METAP2: variants seen among roughly 807,000 people sequenced by gnomAD.
METAP2 encodes methionyl aminopeptidase 2.
METAP2 carries 25 observed loss-of-function variants against 59.4 expected under a neutral mutation model. That is an observed-to-expected ratio of 0.42 (90% CI 0.31 to 0.59). The LOEUF is 0.59. Ranked by LOEUF, METAP2 falls within the 20% of genes least tolerant of loss-of-function variation. METAP2 has a pLI of 0.16. For missense variants in METAP2, 366 were observed against 581.2 expected (o/e 0.63, Z 3.81); for synonymous variants, 214 against 194.1 (o/e 1.10, Z -0.85).
rs148990065 is a variant in METAP2 at position 95,488,424 on chromosome 12, G to A, written c.428+2443G>A. ...CTCGGGGGGCTGAGGCAGGAGAATC[G>A]CTTGAACACAGGAGATGGAGGTTGC... On this transcript the variant is annotated intron_variant, in intron 4 of 10. Transcript: ENST00000323666. Among the ~76,000 whole-genome samples, 491 of 147,304 alleles carry A rather than the reference G, an allele frequency of 3.3e-3. 2 individuals are homozygous for A. The highest frequency in any genetic ancestry group is 0.012 in the African/African-American group (476 of 39,274).
intron 7 of METAP2, 128 bp downstream of exon 7, chr12:95,496,226 T>C (rs962886481): frequency 6.6e-5 from 37 of 558,220 alleles, no homozygotes; most frequent in Non-Finnish European, 1.1e-4. Context: ...AGGAATAAAA[T>C]TGATCCATTT....
At chr12:95,498,067 A>G (rs1316433684) in intron 7 of METAP2, among the ~76,000 whole-genome samples, 2 of 150,824 alleles carry the variant, frequency 1.3e-5, no homozygotes, top group African/African-American at 4.9e-5. Context: ...TGGGAGGCGG[A>G]GCTTGCAGTG....
intron 7 of METAP2, among the ~76,000 whole-genome samples, chr12:95,501,692 C>T (rs565688791): frequency 1.8e-4 from 27 of 146,906 alleles, no homozygotes; most frequent in Admixed American, 3.4e-4. Context: ...TCCAGCCTGG[C>T]GACAGAGCAA....
At chr12:95,491,309 C>G (rs1594421396) in intron 4 of METAP2, among the ~76,000 whole-genome samples, 1 of 152,128 alleles carries the variant, frequency 6.6e-6, no homozygotes, top group Non-Finnish European at 1.5e-5. Flanking sequence ...TCATTGGGAA[C>G]TGCAAAATGG....
At position 95,494,542 on chromosome 12, in the gene METAP2, T is replaced by C. The variant is rs948224708; in HGVS notation, c.590+325T>C. ...ATTGCCCAAATACAGAACATGATGATAATACAGTAACAAAACCAATTCAAG... is the reference window on the plus strand; with the variant it reads ...ATTGCCCAAATACAGAACATGATGACAATACAGTAACAAAACCAATTCAAG... On this transcript the variant is annotated intron_variant, in intron 5 of 10. Coordinates refer to ENST00000323666, the MANE Select transcript of METAP2 (RefSeq NM_006838.4). Among the ~76,000 whole-genome samples, 6 of 152,346 alleles carry C rather than the reference T, an allele frequency of 3.9e-5. No homozygotes were observed. The East Asian group carries it at 1.2e-3, about 29-fold the overall frequency.
chr12:95,494,359 G>T, intron 5 of METAP2, 142 bp downstream of exon 5: 4 of 834,912 alleles, frequency 4.8e-6, no homozygotes, highest in Non-Finnish European at 7.2e-6. Context: ...GATTATTTTA[G>T]TGTCACTATG....
chr12:95,507,272 G>C (rs1017424337), intron 8 of METAP2, among the ~76,000 whole-genome samples: 3 of 152,212 alleles, frequency 2.0e-5, no homozygotes, highest in African/African-American at 2.4e-5. Flanking sequence ...AATTTATTAA[G>C]TATTCAACAA....
intron 8 of METAP2, among the ~76,000 whole-genome samples, chr12:95,505,988 T>C (rs1384181912): frequency 6.6e-6 from 1 of 151,348 alleles, no homozygotes; most frequent in African/African-American, 2.4e-5. Context: ...TCTCAGCTAC[T>C]CGGGAGGCTG....
rs373561404 is a variant in METAP2, at chr12:95,476,514, A to AAAAGAAAGAAAG, written c.259+352_259+363dup. On this transcript the variant is annotated intron_variant, in intron 2 of 10. Transcript: ENST00000323666. ...CCAGCAGAGTAAGACTGTCTCAAAA[A>AAAAGAAAGAAAG]AAAGAAAGAAAGAAAGAAAGAAAGA... 8.5e-3 allele frequency among the ~76,000 whole-genome samples: 1,195 copies of AAAAGAAAGAAAG among 140,990 alleles called. 29 individuals carry two copies. Among genetic ancestry groups the AAAAGAAAGAAAG allele is most frequent in the African/African-American group, 0.032 (1,146 of 36,116 alleles). The allele number at this position is 140,990 out of a possible 152,430, so 92.5% of individuals were successfully genotyped here. A position where few individuals can be genotyped will look rare whatever the true frequency, so the allele number is the denominator to read the frequency against.
At chr12:95,491,896 CTG>C (rs1432434377) in intron 4 of METAP2, among the ~76,000 whole-genome samples, 2 of 152,276 alleles carry the variant, frequency 1.3e-5, no homozygotes, top group South Asian at 2.1e-4. Context: ...GCCTTGACCT[CTG>C]GGGCTCAAGT....
chr12:95,495,975 A>G, intron 6 of METAP2, 29 bp from the exon 7 acceptor site: 1 of 1,361,728 alleles, frequency 7.3e-7, no homozygotes, highest in Non-Finnish European at 1.0e-6. Context: ...GCTGATAAGT[A>G]AAATTAAAAG....
At chr12:95,475,128 A>C (rs559070923) in intron 1 of METAP2, among the ~76,000 whole-genome samples, 1 of 152,264 alleles carries the variant, frequency 6.6e-6, no homozygotes, top group African/African-American at 2.4e-5. Context: ...TATTTTGAGA[A>C]GTCTGTGTTT....
At chr12:95,488,511 CAAAAAAAAAAAAAAAA>C (rs537119415) in intron 4 of METAP2, among the ~76,000 whole-genome samples, 4 of 76,578 alleles carry the variant, frequency 5.2e-5, no homozygotes, top group Non-Finnish European at 8.4e-5. Context: ...TTTGTCTCAC[CAAAAAAAAAAAAAAAA>C]AAAAAAAAAA....
chr12:95,497,229 T>G (rs557180506), intron 7 of METAP2, among the ~76,000 whole-genome samples: 32 of 152,342 alleles, frequency 2.1e-4, no homozygotes, highest in African/African-American at 7.0e-4. Context: ...ACTGAAACTC[T>G]ATACTCATTA....
chr12:95,486,092 A>G, intron 4 of METAP2, 111 bp downstream of exon 4: 2 of 748,828 alleles, frequency 2.7e-6, no homozygotes, highest in Non-Finnish European at 2.1e-6. Flanking sequence ...AAATGCTTAT[A>G]AATTTGTCAT....
intron 4 of METAP2, among the ~76,000 whole-genome samples, chr12:95,491,082 CTTTTT>C (rs11329335): frequency 2.5e-4 from 33 of 134,492 alleles, no homozygotes; most frequent in African/African-American, 8.6e-4. Context: ...ACAGCCAACT[CTTTTT>C]TTTTTTTTTT....
At chr12:95,499,997 G>T (rs2076303511) in intron 7 of METAP2, among the ~76,000 whole-genome samples, 1 of 152,192 alleles carries the variant, frequency 6.6e-6, no homozygotes, top group African/African-American at 2.4e-5. Context: ...AGCACATGGG[G>T]ATTACAATTC....
rs1015268057 is a variant in METAP2, at chr12:95,509,842, C to A, written c.965-2053C>A. Among the ~76,000 whole-genome samples, 79 of 146,866 alleles carry A rather than the reference C, an allele frequency of 5.4e-4. 1 individual carries two copies. The Middle Eastern group carries it at 0.017, about 32-fold the overall frequency. ...GTTAAATTTTTTTAAGACCTCCCCCCCAACCTTTTTTTTTTTTTTTTTTTG... is the reference window on the plus strand; with the variant it reads ...GTTAAATTTTTTTAAGACCTCCCCCACAACCTTTTTTTTTTTTTTTTTTTG... On this transcript the variant is annotated intron_variant, in intron 8 of 10. Transcript: ENST00000323666.
chr12:95,477,665 A>G (rs1403759235), intron 2 of METAP2, among the ~76,000 whole-genome samples: 6 of 152,208 alleles, frequency 3.9e-5, no homozygotes, highest in Admixed American at 3.9e-4. Flanking sequence ...CCTACTACTG[A>G]GAACATCTGC....
Sources: gnomAD v4.1 joint callset for allele counts (sites outside exome capture counted in the v4.1 genomes callset) on GRCh38, gnomAD v4.1.1 for gene constraint, MANE v1.5 for transcripts, NCBI Gene and HGNC (gene_info 2026-07-23, HGNC 2026-07-21) for gene names.